AP2B1: variants seen among roughly 807,000 people sequenced by gnomAD.
AP2B1 encodes adaptor related protein complex 2 subunit beta 1, also known as AP-2 complex subunit beta.
AP2B1 carries 23 observed loss-of-function variants against 102.0 expected under a neutral mutation model. That is an observed-to-expected ratio of 0.23 (90% CI 0.16 to 0.32). The LOEUF (loss-of-function observed/expected upper bound fraction) is 0.32, where lower values mean the gene tolerates loss of function less well. AP2B1 is among the 10% of genes least tolerant of loss of function. AP2B1 has a pLI of 1.00. For synonymous variants in AP2B1, 381 were observed against 421.2 expected, an observed-to-expected ratio of 0.90 and a Z score of 1.17; for missense variants, 541 against 1,157.4, an observed-to-expected ratio of 0.47 and a Z score of 7.73.
In AP2B1 at chr17:35,712,738, G is replaced by A. The variant is rs189488561; in HGVS notation, c.2626+2418G>A. On this transcript the variant is annotated intron_variant, in intron 20 of 21. Transcript: ENST00000610402. ...CTTCACCTGGAAATTGCCATTGCACGTTAGCAGACTAAAAGTTCTGAGAAG... is the reference window on the plus strand; with the variant it reads ...CTTCACCTGGAAATTGCCATTGCACATTAGCAGACTAAAAGTTCTGAGAAG... 6.2e-4 allele frequency among the ~76,000 whole-genome samples: 95 copies of A among 152,352 alleles called. 1 individual carries two copies. Among genetic ancestry groups the A allele is most frequent in the African/African-American group, 2.0e-3 (83 of 41,582 alleles).
intron 16 of AP2B1, among the ~76,000 whole-genome samples, chr17:35,673,714 T>G (rs1250513014): frequency 6.6e-6 from 1 of 152,182 alleles, no homozygotes; most frequent in Non-Finnish European, 1.5e-5. Context: ...TGGCTTTGGT[T>G]GGAAATGATG....
chr17:35,656,824 G>T (rs967828297), intron 13 of AP2B1, among the ~76,000 whole-genome samples: 4 of 150,356 alleles, frequency 2.7e-5, no homozygotes, highest in African/African-American at 9.8e-5. Context: ...GGCGGAGCTT[G>T]CAGTGAGCCG....
intron 5 of AP2B1, among the ~76,000 whole-genome samples, chr17:35,609,395 G>A (rs2073789246): frequency 6.7e-6 from 1 of 149,736 alleles, no homozygotes; most frequent in African/African-American, 2.5e-5. Flanking sequence ...CGCCCAGGCT[G>A]GAGTGCAGTG....
chr17:35,704,067 G>C (rs1023711709), intron 18 of AP2B1, among the ~76,000 whole-genome samples: 1 of 152,098 alleles, frequency 6.6e-6, no homozygotes. Flanking sequence ...CTCTTTTCCT[G>C]TCTCCCTCCA....
chr17:35,653,294 A>G (rs1417629045), intron 13 of AP2B1, among the ~76,000 whole-genome samples: 1 of 152,120 alleles, frequency 6.6e-6, no homozygotes, highest in African/African-American at 2.4e-5. Context: ...GCTTTCCGAA[A>G]ATTATGCAGC....
chr17:35,692,412 T>C (rs2076058390), intron 18 of AP2B1, among the ~76,000 whole-genome samples: 1 of 152,216 alleles, frequency 6.6e-6, no homozygotes, highest in Admixed American at 6.5e-5. Flanking sequence ...ATTTAATAAA[T>C]GATTAGAAAT....
In AP2B1 at chr17:35,636,585, C is replaced by T. The variant is rs565604269; in HGVS notation, c.1271+129C>T. 7.7e-4 allele frequency: 425 copies of T among 554,706 alleles called. 4 individuals are homozygous for T. The East Asian group carries it at 0.014, about 18-fold the overall frequency. 34.4% of individuals were successfully genotyped at this position (554,706 alleles called of 1,614,324 possible). A position where few individuals can be genotyped will look rare whatever the true frequency, so the allele number is the denominator to read the frequency against. On this transcript the variant is annotated intron_variant, in intron 10 of 21. Transcript: ENST00000610402. ...CATAATAGGATACTTTATCAAAAAT[C>T]GGAAACATTAAAATGGTTAGCACAG...
At chr17:35,706,710 G>A (rs753469892) in intron 18 of AP2B1, among the ~76,000 whole-genome samples, 3 of 151,490 alleles carry the variant, frequency 2.0e-5, no homozygotes, top group African/African-American at 4.9e-5. Flanking sequence ...GCACAATCTC[G>A]GCTCACTGCA....
intron 18 of AP2B1, among the ~76,000 whole-genome samples, chr17:35,698,153 T>G: frequency 6.6e-6 from 1 of 152,286 alleles, no homozygotes; most frequent in South Asian, 2.1e-4. Flanking sequence ...AAAGTTTACT[T>G]TGGTGGGAAA....
intron 5 of AP2B1, among the ~76,000 whole-genome samples, chr17:35,623,204 C>A: frequency 6.7e-6 from 1 of 148,528 alleles, no homozygotes; most frequent in South Asian, 2.1e-4. Flanking sequence ...GTTGACTTTT[C>A]TTCCTGCAGC....
chr17:35,718,698 G>A (rs1285377455), intron 21 of AP2B1, among the ~76,000 whole-genome samples: 1 of 151,940 alleles, frequency 6.6e-6, no homozygotes, highest in Admixed American at 6.6e-5. Context: ...AAGAAAAAAA[G>A]GGTTGGGGGG....
intron 5 of AP2B1, among the ~76,000 whole-genome samples, chr17:35,617,044 A>T (rs1251941817): frequency 1.3e-5 from 2 of 152,214 alleles, no homozygotes; most frequent in African/African-American, 4.8e-5. Flanking sequence ...CCCTAATAAT[A>T]ACAAACACAT....
intron 13 of AP2B1, among the ~76,000 whole-genome samples, chr17:35,651,535 C>T (rs2075086218): frequency 6.6e-6 from 1 of 152,102 alleles, no homozygotes; most frequent in Non-Finnish European, 1.5e-5. Flanking sequence ...AGTAGGATTT[C>T]CTTCCAGAGT....
At chr17:35,720,545 T>TTTTATA (rs1402145369) in intron 21 of AP2B1, among the ~76,000 whole-genome samples, 4 of 54,374 alleles carry the variant, frequency 7.4e-5, no homozygotes, top group African/African-American at 3.3e-4. Context: ...TTTATTTTAT[T>TTTTATA]TATATATATA....
chr17:35,633,305 A>T (rs113103578), intron 9 of AP2B1, among the ~76,000 whole-genome samples: 5,012 of 151,220 alleles, frequency 0.033, 122 homozygotes, highest in Middle Eastern at 0.045. Context: ...GGTTGCAATG[A>T]GCATAGATTG....
intron 20 of AP2B1, among the ~76,000 whole-genome samples, chr17:35,711,264 TC>T (rs2076441157): frequency 6.6e-6 from 1 of 152,118 alleles, no homozygotes; most frequent in South Asian, 2.1e-4. Context: ...TGGTGCTTGG[TC>T]GGTACCTCCT....
At chr17:35,671,046 A>G in intron 15 of AP2B1, 148 bp downstream of exon 15, 2 of 763,374 alleles carry the variant, frequency 2.6e-6, no homozygotes, top group Non-Finnish European at 4.3e-6. Flanking sequence ...AGAAAGTAGT[A>G]TAGGGTTACT....
At chr17:35,612,880 GCACACACACACA>G (rs55739970) in intron 5 of AP2B1, among the ~76,000 whole-genome samples, 2 of 143,896 alleles carry the variant, frequency 1.4e-5, no homozygotes, top group African/African-American at 2.6e-5. Context: ...GTGTATGTGC[GCACACACACACA>G]CACACACACA....
At chr17:35,659,045 A>C (rs1438374385) in intron 14 of AP2B1, among the ~76,000 whole-genome samples, 1 of 152,208 alleles carries the variant, frequency 6.6e-6, no homozygotes, top group Non-Finnish European at 1.5e-5. Context: ...TTATATTCAT[A>C]TCTTTAATGA....
Sources: gnomAD v4.1 joint callset for allele counts (sites outside exome capture counted in the v4.1 genomes callset) on GRCh38, gnomAD v4.1.1 for gene constraint, MANE v1.5 for transcripts, NCBI Gene and HGNC (gene_info 2026-07-23, HGNC 2026-07-21) for gene names.